Variants in MACROD2 observed in about 807,000 individuals in gnomAD.
MACROD2 encodes mono-ADP ribosylhydrolase 2.
MACROD2 carries 36 observed loss-of-function variants against 70.4 expected under a neutral mutation model. That is an observed-to-expected ratio of 0.51 (90% confidence interval 0.39 to 0.68). MACROD2 has a LOEUF of 0.68. Among genes scored for constraint, MACROD2 ranks in the 30% least tolerant of loss-of-function variants. The probability of loss-of-function intolerance (pLI) is 0.00; values close to 1 mark genes in which losing one functional copy is unlikely to be tolerated. For missense variants in MACROD2, 496 were observed against 538.4 expected, an observed-to-expected ratio of 0.92 and a Z score of 0.78; for synonymous variants, 172 against 178.8, an observed-to-expected ratio of 0.96 and a Z score of 0.30.
chr20:14,076,162 ATTTG>A (rs2053913810), intron 2 of MACROD2, among the ~76,000 whole-genome samples: 4 of 152,240 alleles, frequency 2.6e-5, no homozygotes, highest in African/African-American at 2.4e-5. Flanking sequence ...CTATCTGCGT[ATTTG>A]TTTGTATATG....
intron 5 of MACROD2, among the ~76,000 whole-genome samples, chr20:15,119,929 A>C (rs533743144): frequency 2.0e-5 from 3 of 152,364 alleles, no homozygotes; most frequent in African/African-American, 7.2e-5. Context: ...TACTTGGATT[A>C]TATCATGACT....
chr20:15,842,524 C>A (rs1205924558), intron 8 of MACROD2, among the ~76,000 whole-genome samples: 1 of 134,060 alleles, frequency 7.5e-6, no homozygotes, highest in Non-Finnish European at 1.5e-5. Flanking sequence ...TGTTAATTTG[C>A]TTCTTCTCCA....
Position 15,322,056 on chromosome 20 carries a change from G to T in MACROD2, c.540+91995G>T, listed in dbSNP as rs1199768014. Among the ~76,000 whole-genome samples, 2 of 144,014 alleles carry T rather than the reference G, an allele frequency of 1.4e-5. 1 individual carries two copies. The highest frequency in any genetic ancestry group is 5.0e-5 in the African/African-American group (2 of 40,214). 94.5% of individuals were successfully genotyped at this position (144,014 alleles called of 152,430 possible). ...TCTGCCCGCCTCGGCCTCCCAAAGT[G>T]CTGGGATTACAGGCATGAGCCACTG... is the stretch of plus-strand genomic sequence containing the variant. On this transcript the variant is annotated intron_variant, in intron 6 of 17. Transcript: ENST00000684519.
At chr20:14,826,097 G>C (rs970544446) in intron 5 of MACROD2, among the ~76,000 whole-genome samples, 1 of 151,942 alleles carries the variant, frequency 6.6e-6, no homozygotes, top group Non-Finnish European at 1.5e-5. Flanking sequence ...AGTAATGGCT[G>C]TTTTTAAAAC....
intron 7 of MACROD2, among the ~76,000 whole-genome samples, chr20:15,477,099 G>GTTTTTTTTTT (rs371999407): frequency 8.7e-6 from 1 of 115,390 alleles, no homozygotes; most frequent in Non-Finnish European, 1.7e-5. Flanking sequence ...TCTATTTTTA[G>GTTTTTTTTTT]TTTTTTTTTT....
At chr20:15,667,248 C>T (rs1427654749) in intron 8 of MACROD2, among the ~76,000 whole-genome samples, 9 of 152,142 alleles carry the variant, frequency 5.9e-5, no homozygotes, top group Non-Finnish European at 1.2e-4. Flanking sequence ...CACTTTCTCT[C>T]TTGCTTGCTC....
intron 15 of MACROD2, among the ~76,000 whole-genome samples, chr20:16,005,026 T>C (rs1371494169): frequency 6.6e-6 from 1 of 152,244 alleles, no homozygotes. Flanking sequence ...CAGTCATTCT[T>C]TCCTTATTTT....
chr20:14,193,705 G>T (rs1399843575), intron 3 of MACROD2, among the ~76,000 whole-genome samples: 1 of 152,168 alleles, frequency 6.6e-6, no homozygotes, highest in African/African-American at 2.4e-5. Flanking sequence ...GATTGAAGCA[G>T]GGTGGGAAAG....
intron 8 of MACROD2, among the ~76,000 whole-genome samples, chr20:15,629,600 TTGCTGTATA>T (rs779691479): frequency 2.6e-5 from 4 of 152,230 alleles, no homozygotes; most frequent in Non-Finnish European, 5.9e-5. Context: ...TCACTTGCCT[TTGCTGTATA>T]TGTTCTTATG....
intron 6 of MACROD2, among the ~76,000 whole-genome samples, chr20:15,348,186 G>A (rs2078187768): frequency 6.6e-6 from 1 of 152,108 alleles, no homozygotes; most frequent in Non-Finnish European, 1.5e-5. Context: ...CTCCTATTAG[G>A]CTTGAATGAA....
intron 8 of MACROD2, among the ~76,000 whole-genome samples, chr20:15,830,092 A>T (rs1016527649): frequency 2.0e-5 from 3 of 152,192 alleles, no homozygotes; most frequent in African/African-American, 7.2e-5. Flanking sequence ...TTGTATTCTC[A>T]TGAAAGTGCA....
rs566077823 is a variant in MACROD2, at chr20:16,025,107, T to G, written c.1154-16094T>G. On this transcript the variant is annotated intron_variant, in intron 15 of 17. Coordinates refer to ENST00000684519, the MANE Select transcript of MACROD2 (RefSeq NM_001351661.2). ...CATGAACAAGAAAAGGATTAAGGTG[T>G]CTTTGCCTGAAAGGAAAATTCTGGA... Among the ~76,000 whole-genome samples, 12 of 152,336 alleles carry G rather than the reference T, an allele frequency of 7.9e-5. No individual in the cohort carries two copies. The South Asian group carries it at 2.3e-3, about 29-fold the overall frequency.
intron 4 of MACROD2, among the ~76,000 whole-genome samples, chr20:14,644,406 C>T (rs1477134682): frequency 6.6e-6 from 1 of 152,182 alleles, no homozygotes; most frequent in African/African-American, 2.4e-5. Flanking sequence ...CTTTGTAACT[C>T]ATTAAATTAA....
chr20:14,635,852 T>C (rs1203910209), intron 4 of MACROD2, among the ~76,000 whole-genome samples: 1 of 152,178 alleles, frequency 6.6e-6, no homozygotes, highest in East Asian at 1.9e-4. Flanking sequence ...TTTAATGTAA[T>C]ACTGGGATAA....
chr20:14,250,725 T>C (rs1415644795), intron 3 of MACROD2, among the ~76,000 whole-genome samples: 1 of 152,152 alleles, frequency 6.6e-6, no homozygotes, highest in Non-Finnish European at 1.5e-5. Context: ...ATAGAGTCTC[T>C]AGCTTGTTGT....
chr20:14,757,548 C>G (rs1480788653), intron 5 of MACROD2: 1 of 842,090 alleles, frequency 1.2e-6, no homozygotes, highest in Non-Finnish European at 2.0e-6. Context: ...GGCCCCGGAC[C>G]CTACAGCCAT....
At chr20:14,010,552 A>G (rs917042639) in intron 2 of MACROD2, among the ~76,000 whole-genome samples, 2 of 152,134 alleles carry the variant, frequency 1.3e-5, no homozygotes, top group East Asian at 1.9e-4. Flanking sequence ...TTCAGTGCCT[A>G]TGTCATAGAA....
chr20:14,065,281 T>G (rs2053742420), intron 2 of MACROD2, among the ~76,000 whole-genome samples: 1 of 152,246 alleles, frequency 6.6e-6, no homozygotes, highest in Admixed American at 6.5e-5. Flanking sequence ...GTGGTGATCC[T>G]TCACAGTCTC....
At chr20:15,702,290 T>A (rs754669238) in intron 8 of MACROD2, among the ~76,000 whole-genome samples, 2 of 152,240 alleles carry the variant, frequency 1.3e-5, no homozygotes, top group Non-Finnish European at 2.9e-5. Context: ...AAGCTGTGTA[T>A]AAGTATTCCC....
Sources: allele counts gnomAD v4.1 joint callset (sites outside exome capture counted in the v4.1 genomes callset), GRCh38; gene constraint gnomAD v4.1.1; transcripts MANE v1.5; gene names NCBI Gene and HGNC (gene_info 2026-07-23, HGNC 2026-07-21).